UPF3A: variants seen among roughly 807,000 people sequenced by gnomAD.
UPF3A encodes the protein regulator of nonsense transcripts 3A.
Under a neutral mutation model 53.5 loss-of-function variants are expected in UPF3A, and 42 were observed. The ratio of observed to expected loss-of-function variants is 0.78; its 90% CI spans 0.61 to 1.01. The LOEUF (loss-of-function observed/expected upper bound fraction) is 1.01, where lower values mean the gene tolerates loss of function less well. UPF3A is among the 50% of genes least tolerant of loss of function. The probability of loss-of-function intolerance (pLI) is 0.00; values close to 1 mark genes in which losing one functional copy is unlikely to be tolerated. For synonymous variants in UPF3A, 237 were observed against 225.3 expected (o/e 1.05, Z -0.47); for missense variants, 575 against 598.0 (o/e 0.96, Z 0.40).
At position 114,291,687 on chromosome 13, in the gene UPF3A, A is replaced by G; in HGVS notation, c.741A>G (p.Lys247=). ...EERRRRELEK[K]RLREEEKRRR... is the part of the protein sequence containing the mutation. Reference sequence around the variant, plus strand: ...GGAGGAGGAGAGAGTTAGAAAAGAAACGTTTGCGGGAAGAGGAAAAAAGAA... The same window carrying G: ...GGAGGAGGAGAGAGTTAGAAAAGAAGCGTTTGCGGGAAGAGGAAAAAAGAA... The change falls in exon 7 of 10, where the codon AAA becomes AAG. Residue 247 remains lysine (K), a synonymous_variant. Coordinates refer to ENST00000375299, the MANE Select transcript of UPF3A (RefSeq NM_023011.4). 1 of 1,607,506 alleles carries G rather than the reference A, an allele frequency of 6.2e-7. No individual in the cohort carries two copies. Among genetic ancestry groups the G allele is most frequent in the Non-Finnish European group, 8.5e-7 (1 of 1,176,806 alleles).
At position 114,301,587 on chromosome 13, in the gene UPF3A, T is replaced by C. The variant is rs1034163359; in HGVS notation, c.1008-144T>C. On this transcript the variant is annotated intron_variant, in intron 8 of 9. Coordinates refer to ENST00000375299, the MANE Select transcript of UPF3A (RefSeq NM_023011.4). ...GTGGTTTTTATCAACGCCTGCTGTG[T>C]GCCCATCGCAGTGCAGCCTCAGCAG... 2.7e-5 allele frequency: 18 copies of C among 664,334 alleles called. No individual in the cohort carries two copies. The South Asian group carries it at 3.0e-4, about 11-fold the overall frequency. The allele number at this position is 664,334 out of a possible 1,614,324, so 41.2% of individuals were successfully genotyped here. A position where few individuals can be genotyped will look rare whatever the true frequency, so the allele number is the denominator to read the frequency against.
chr13:114,293,814 G>T (rs2085551576), intron 7 of UPF3A, among the ~76,000 whole-genome samples: 1 of 152,166 alleles, frequency 6.6e-6, no homozygotes, highest in African/African-American at 2.4e-5. Flanking sequence ...TTTCTGATAT[G>T]GTCAGCAGTC....
chr13:114,283,862 C>T (rs2139136536), intron 3 of UPF3A: 7 of 985,488 alleles, frequency 7.1e-6, no homozygotes, highest in Non-Finnish European at 8.4e-6. Context: ...CTCCCCTCCC[C>T]AGCCACCCTC....
intron 7 of UPF3A, among the ~76,000 whole-genome samples, chr13:114,297,488 G>A (rs1030185877): frequency 2.0e-5 from 3 of 152,046 alleles, no homozygotes; most frequent in African/African-American, 7.3e-5. Context: ...AGGAAAACTA[G>A]ACCCTATAGA....
chr13:114,300,099 G>T (rs533039221), intron 8 of UPF3A, among the ~76,000 whole-genome samples: 1 of 152,334 alleles, frequency 6.6e-6, no homozygotes, highest in South Asian at 2.1e-4. Context: ...ACTGCCACGT[G>T]TCTGCTGTGA....
rs779733670 is a variant in UPF3A at position 114,281,864 on chromosome 13, G to A, written c.207+18G>A. 1 of 1,458,694 alleles carries A rather than the reference G, an allele frequency of 6.9e-7. No homozygotes were observed. Among genetic ancestry groups the A allele is most frequent in the South Asian group, 1.2e-5 (1 of 81,582 alleles). The allele number at this position is 1,458,694 out of a possible 1,614,324, so 90.4% of individuals were successfully genotyped here. ...TGAGCAAGGTGGGGACGGGGGCGGG[G>A]CGCGCAAACCTCGCGAGGAGAGGAC... On this transcript the variant is annotated intron_variant, in intron 1 of 9. Transcript: ENST00000375299.
In UPF3A at chr13:114,301,827, G is replaced by C; in HGVS notation, c.1104G>C (p.Arg368Ser). The C allele has an allele frequency of 1.9e-6, 3 of 1,613,778 alleles. No homozygotes were observed. The highest frequency in any genetic ancestry group is 2.5e-6 in the Non-Finnish European group (3 of 1,179,876). Reference protein sequence around the residue: ...AQRYHVDDGRRHRAHHEPERL... With the variant: ...AQRYHVDDGRSHRAHHEPERL... ...GATACCATGTGGATGACGGCAGGAG[G>C]CACAGAGCTCACCACGAGCCTGAAC... is the stretch of plus-strand genomic sequence containing the variant. The change falls in exon 9 of 10, where the codon AGG becomes AGC. Residue 368 changes from arginine to serine, a missense_variant. Arg to Ser is a moderately radical substitution (Grantham distance 110). Transcript: ENST00000375299.
At position 114,304,842 on chromosome 13, in the gene UPF3A, G is replaced by A. The variant is rs778171236; in HGVS notation, c.1356G>A (p.Glu452=). The part of the protein sequence containing the change: ...YDPGARFRAR[E]CGGNRRICKA... ...CAGGAGCTCGCTTCCGAGCGCGAGA[G>A]TGTGGCGGAAACAGGAGGATCTGCA... Residue 452 remains glutamate, a synonymous_variant, in exon 10 of 10, where the codon GAG becomes GAA. Coordinates refer to ENST00000375299, the MANE Select transcript of UPF3A (RefSeq NM_023011.4). The A allele has an allele frequency of 3.1e-6, 5 of 1,613,920 alleles. No individual in the cohort carries two copies. The highest frequency in any genetic ancestry group is 1.1e-5 in the South Asian group (1 of 91,060).
intron 6 of UPF3A, 44 bp from the exon 7 acceptor site, chr13:114,291,590 T>C: frequency 6.2e-7 from 1 of 1,604,114 alleles, no homozygotes; most frequent in Non-Finnish European, 8.5e-7. Flanking sequence ...GCTTCTGCCA[T>C]TCTCATCCAG....
chr13:114,293,640 A>C (rs1191858873), intron 7 of UPF3A, among the ~76,000 whole-genome samples: 2 of 152,164 alleles, frequency 1.3e-5, no homozygotes, highest in Admixed American at 6.5e-5. Context: ...CCTCAGTACT[A>C]AACCTAGATT....
At chr13:114,297,007 A>AT (rs1444047168) in intron 7 of UPF3A, among the ~76,000 whole-genome samples, 1 of 152,210 alleles carries the variant, frequency 6.6e-6, no homozygotes, top group African/African-American at 2.4e-5. Context: ...CATAGGCAGA[A>AT]TAAGAGGATG....
At chr13:114,294,708 C>T (rs1035822138) in intron 7 of UPF3A, among the ~76,000 whole-genome samples, 2 of 151,262 alleles carry the variant, frequency 1.3e-5, no homozygotes, top group African/African-American at 4.9e-5. Context: ...GCCTGTAGTC[C>T]CAGCTACTCA....
intron 5 of UPF3A, among the ~76,000 whole-genome samples, chr13:114,287,769 A>C (rs2084865619): frequency 6.6e-6 from 1 of 152,196 alleles, no homozygotes; most frequent in African/African-American, 2.4e-5. Flanking sequence ...TAATAAAAAA[A>C]GATTAATATT....
At position 114,286,316 on chromosome 13, in the gene UPF3A, G is replaced by T. The variant is rs1362405877; in HGVS notation, c.436G>T (p.Ala146Ser). The change falls in exon 4 of 10, where the codon GCA (alanine) becomes TCA (serine). Residue 146 changes from alanine to serine, a missense_variant. Coordinates refer to ENST00000375299, the MANE Select transcript of UPF3A (RefSeq NM_023011.4). ...FLDSKGLEYPAVVEFAPFQKI... is the reference protein window; with the variant it reads ...FLDSKGLEYPSVVEFAPFQKI... ...CCTGTTAAAAGGCCTAGAATATCCT[G>T]CAGTGGTAGAGTTTGCTCCATTCCA... The T allele has an allele frequency of 6.2e-7, 1 of 1,614,098 alleles. No individual in the cohort carries two copies. The highest frequency in any genetic ancestry group is 1.7e-5 in the Admixed American group (1 of 60,014).
intron 4 of UPF3A, 37 bp downstream of exon 4, chr13:114,286,437 AAAT>A (rs1379746876): frequency 6.2e-7 from 1 of 1,612,982 alleles, no homozygotes; most frequent in Admixed American, 1.7e-5. Context: ...TGAAGCTGCC[AAAT>A]TAAGAACACT....
At chr13:114,304,216 G>A (rs952129081) in intron 9 of UPF3A, among the ~76,000 whole-genome samples, 9 of 152,232 alleles carry the variant, frequency 5.9e-5, no homozygotes, top group Non-Finnish European at 1.2e-4. Context: ...TGCTGCTGTC[G>A]CTGCTGACAC....
chr13:114,302,875 G>A (rs1049670525), intron 9 of UPF3A, among the ~76,000 whole-genome samples: 3 of 152,190 alleles, frequency 2.0e-5, no homozygotes, highest in African/African-American at 7.2e-5. Flanking sequence ...GCTGAGGCGG[G>A]TGGATCACCT....
At chr13:114,283,063 C>G (rs1175922890) in intron 3 of UPF3A, 120 bp downstream of exon 3, 25 of 801,802 alleles carry the variant, frequency 3.1e-5, no homozygotes, top group Non-Finnish European at 4.7e-5. Context: ...TGCTCTGTTG[C>G]CCAGGCTGGA....
chr13:114,287,657 C>G (rs1010895009), intron 5 of UPF3A: 3 of 152,136 alleles, frequency 2.0e-5, no homozygotes, highest in Non-Finnish European at 4.4e-5. Flanking sequence ...TGTCTGTCTC[C>G]CACCACATAA....
Sources: allele counts gnomAD v4.1 joint callset (sites outside exome capture counted in the v4.1 genomes callset), GRCh38; gene constraint gnomAD v4.1.1; transcripts MANE v1.5; gene names NCBI Gene and HGNC (gene_info 2026-07-23, HGNC 2026-07-21).